Variants in SAMD5 observed in about 807,000 individuals in gnomAD.
SAMD5 encodes the protein sterile alpha motif domain containing 5, also known as sterile alpha motif domain-containing protein 5.
Under a neutral mutation model 11.3 loss-of-function variants are expected in SAMD5, and 13 were observed. That is an observed-to-expected ratio of 1.15 (90% confidence interval 0.75 to 1.83). The LOEUF (loss-of-function observed/expected upper bound fraction) is 1.83. Among genes scored for constraint, SAMD5 ranks in the 40% most tolerant of loss-of-function variants. The probability of loss-of-function intolerance (pLI) is 0.00; values close to 1 mark genes in which losing one functional copy is unlikely to be tolerated. For synonymous variants in SAMD5, 129 were observed against 111.3 expected (o/e 1.16, Z -1.00); for missense variants, 255 against 239.1 (o/e 1.07, Z -0.44).
chr6:147,659,296 G>A (rs939246320), intron 1 of SAMD5, among the ~76,000 whole-genome samples: 7 of 152,060 alleles, frequency 4.6e-5, no homozygotes, highest in Admixed American at 3.3e-4. Flanking sequence ...GAATGTGGCA[G>A]GGAAATTTTG....
chr6:147,639,021 T>C (rs1013149098), intron 1 of SAMD5, among the ~76,000 whole-genome samples: 9 of 152,178 alleles, frequency 5.9e-5, no homozygotes, highest in Non-Finnish European at 1.2e-4. Context: ...CTGACCTGGG[T>C]GAGTTCTGTG....
intron 1 of SAMD5, among the ~76,000 whole-genome samples, chr6:147,554,620 C>T (rs1788825340): frequency 6.6e-6 from 1 of 152,168 alleles, no homozygotes; most frequent in Non-Finnish European, 1.5e-5. Flanking sequence ...ATCTTTGCAA[C>T]CCCCTCACCA....
At chr6:147,719,369 A>G (rs981377231) in intron 1 of SAMD5, among the ~76,000 whole-genome samples, 1 of 152,114 alleles carries the variant, frequency 6.6e-6, no homozygotes, top group Non-Finnish European at 1.5e-5. Flanking sequence ...AGCCTAGAAA[A>G]TTGAGAAAGG....
At chr6:147,556,417 A>T (rs549978669) in intron 1 of SAMD5, among the ~76,000 whole-genome samples, 1 of 152,352 alleles carries the variant, frequency 6.6e-6, no homozygotes, top group African/African-American at 2.4e-5. Context: ...AAATGAATTA[A>T]ATATGTATTT....
chr6:147,877,547 T>A, the SAMD5 span, among the ~76,000 whole-genome samples: 1 of 152,196 alleles, frequency 6.6e-6, no homozygotes, highest in Non-Finnish European at 1.5e-5. Flanking sequence ...TTGGCTTGGC[T>A]ATGGTGCCCA....
chr6:147,520,788 T>A lies in SAMD5; in HGVS notation c.459+11401T>A, dbSNP rs553597191. On this transcript the variant is annotated intron_variant, in intron 1 of 1. Coordinates refer to ENST00000367474, the MANE Select transcript of SAMD5 (RefSeq NM_001030060.3). ...TATATTTTTGGTGTGCAGTGTGATG[T>A]TTTGATATATGTATACATTGTGAAA... Among the ~76,000 whole-genome samples, 13 of 152,270 alleles carry A rather than the reference T, an allele frequency of 8.5e-5. No individual in the cohort carries two copies. In the East Asian group the frequency reaches 2.3e-3, roughly 27 times the overall value.
At chr6:147,828,580 C>T in the SAMD5 span, among the ~76,000 whole-genome samples, 1 of 152,172 alleles carries the variant, frequency 6.6e-6, no homozygotes, top group Non-Finnish European at 1.5e-5. Context: ...CTATGTCTTC[C>T]TCCCGTGCTG....
chr6:147,547,627 A>G (rs778166836), intron 1 of SAMD5, among the ~76,000 whole-genome samples: 14 of 152,204 alleles, frequency 9.2e-5, no homozygotes, highest in Non-Finnish European at 1.8e-4. Flanking sequence ...TAAAGGGCTC[A>G]AGGTATTAGA....
At chr6:147,829,146 T>C in the SAMD5 span, among the ~76,000 whole-genome samples, 7 of 152,198 alleles carry the variant, frequency 4.6e-5, no homozygotes, top group African/African-American at 1.4e-4. Flanking sequence ...CTGTTTAACA[T>C]AGGAAGTAGT....
At chr6:147,895,229 G>C in the SAMD5 span, among the ~76,000 whole-genome samples, 1 of 151,968 alleles carries the variant, frequency 6.6e-6, no homozygotes, top group Non-Finnish European at 1.5e-5. Flanking sequence ...AAGTCCTTAA[G>C]ACCCATGAAC....
At chr6:147,871,225 A>AT in the SAMD5 span, among the ~76,000 whole-genome samples, 6 of 151,848 alleles carry the variant, frequency 4.0e-5, no homozygotes, top group South Asian at 2.1e-4. Context: ...AACAGGATCA[A>AT]TTTTTTTTTA....
At chr6:147,639,005 CTT>C in intron 1 of SAMD5, among the ~76,000 whole-genome samples, 1 of 152,310 alleles carries the variant, frequency 6.6e-6, no homozygotes, top group East Asian at 1.9e-4. Flanking sequence ...GATATATAGA[CTT>C]TGGCTGACCT....
At chr6:147,930,147 G>C in the SAMD5 span, among the ~76,000 whole-genome samples, 1 of 152,162 alleles carries the variant, frequency 6.6e-6, no homozygotes, top group Non-Finnish European at 1.5e-5. Context: ...CAAGTACTTT[G>C]CTATGCCTAG....
the SAMD5 span, among the ~76,000 whole-genome samples, chr6:147,787,609 G>A: frequency 2.6e-5 from 4 of 152,144 alleles, no homozygotes; most frequent in Non-Finnish European, 5.9e-5. Flanking sequence ...TGGCATCCTG[G>A]TGGTGGCAGC....
chr6:147,625,234 T>C (rs1432776392), intron 1 of SAMD5, among the ~76,000 whole-genome samples: 1 of 152,210 alleles, frequency 6.6e-6, no homozygotes, highest in Non-Finnish European at 1.5e-5. Context: ...ATTTAGTGCT[T>C]CATGTGGACA....
At chr6:147,754,061 T>C in the SAMD5 span, among the ~76,000 whole-genome samples, 1 of 152,188 alleles carries the variant, frequency 6.6e-6, no homozygotes, top group African/African-American at 2.4e-5. Context: ...TTTGGGTATA[T>C]ACCCAGCAGT....
chr6:147,660,256 A>G (rs565022998), intron 1 of SAMD5, among the ~76,000 whole-genome samples: 1 of 152,256 alleles, frequency 6.6e-6, no homozygotes, highest in Non-Finnish European at 1.5e-5. Context: ...ATATTCTACC[A>G]TTTATTACAT....
the SAMD5 span, among the ~76,000 whole-genome samples, chr6:147,852,137 A>C: frequency 6.6e-6 from 1 of 152,162 alleles, no homozygotes; most frequent in Non-Finnish European, 1.5e-5. Flanking sequence ...AATTTATAGA[A>C]AATGTAAATC....
the SAMD5 span, among the ~76,000 whole-genome samples, chr6:147,799,000 G>T: frequency 3.9e-5 from 6 of 152,194 alleles, no homozygotes; most frequent in Non-Finnish European, 7.3e-5. Flanking sequence ...ACAGCACACT[G>T]ATGGGTCTTG....
Sources: allele counts gnomAD v4.1 joint callset (sites outside exome capture counted in the v4.1 genomes callset), GRCh38; gene constraint gnomAD v4.1.1; transcripts MANE v1.5; gene names NCBI Gene and HGNC (gene_info 2026-07-23, HGNC 2026-07-21).